PPARGC1A: variants seen among roughly 807,000 people sequenced by gnomAD.
PPARGC1A encodes the protein PPARG coactivator 1 alpha.
PPARGC1A carries 25 observed loss-of-function variants against 88.7 expected under a neutral mutation model. The observed-to-expected ratio is 0.28, with a 90% CI of 0.21 to 0.39. The LOEUF (loss-of-function observed/expected upper bound fraction) is 0.39. Among genes scored for constraint, PPARGC1A ranks in the 10% least tolerant of loss-of-function variants. The pLI is 1.00. For missense variants in PPARGC1A, 880 were observed against 968.7 expected (o/e 0.91, Z 1.22); for synonymous variants, 363 against 355.6 (o/e 1.02, Z -0.24).
At chr4:24,410,530 T>A in the PPARGC1A span, among the ~76,000 whole-genome samples, 2 of 152,202 alleles carry the variant, frequency 1.3e-5, no homozygotes, top group Non-Finnish European at 2.9e-5. Context: ...GAGCGTCAAC[T>A]TGATTGGATT....
chr4:23,922,271 A>T, the PPARGC1A span, among the ~76,000 whole-genome samples: 744 of 152,308 alleles, frequency 4.9e-3, 45 homozygotes, highest in East Asian at 0.1. Context: ...TTTGGTATCC[A>T]ACAGAAGACC....
chr4:24,165,082 A>G, the PPARGC1A span, among the ~76,000 whole-genome samples: 1 of 152,206 alleles, frequency 6.6e-6, no homozygotes, highest in East Asian at 1.9e-4. Flanking sequence ...CTCTCAAAAT[A>G]TGGAAGCATT....
chr4:23,847,667 A>T (rs1328918466), intron 2 of PPARGC1A, among the ~76,000 whole-genome samples: 1 of 152,214 alleles, frequency 6.6e-6, no homozygotes, highest in East Asian at 1.9e-4. Context: ...CATTAAAACA[A>T]TTATATAGGT....
At chr4:23,932,638 A>C in the PPARGC1A span, among the ~76,000 whole-genome samples, 1 of 152,222 alleles carries the variant, frequency 6.6e-6, no homozygotes, top group Non-Finnish European at 1.5e-5. Context: ...TGGTAGCTTA[A>C]CGAATTTTTT....
Position 23,834,241 on chromosome 4 carries a change from A to C in PPARGC1A, c.235-2490T>G, listed in dbSNP as rs544750983. 5.6e-4 allele frequency among the ~76,000 whole-genome samples: 85 copies of C among 152,286 alleles called. 1 individual carries two copies. Among genetic ancestry groups the C allele is most frequent in the Admixed American group, 3.2e-3 (49 of 15,296 alleles). ...TGTGAACCCGGGGGGTGGAGCTTGCAGTGAGTCAAGATCTTGCCACTGCAC... is the reference window on the plus strand; with the variant it reads ...TGTGAACCCGGGGGGTGGAGCTTGCCGTGAGTCAAGATCTTGCCACTGCAC... On this transcript the variant is annotated intron_variant, in intron 2 of 12. Transcript: ENST00000264867.
chr4:24,070,916 T>C, the PPARGC1A span, among the ~76,000 whole-genome samples: 1 of 152,206 alleles, frequency 6.6e-6, no homozygotes, highest in Non-Finnish European at 1.5e-5. Flanking sequence ...GTGACAGAGC[T>C]GAGTAGTTGC....
the PPARGC1A span, among the ~76,000 whole-genome samples, chr4:24,440,981 G>A: frequency 6.6e-6 from 1 of 152,208 alleles, no homozygotes; most frequent in Admixed American, 6.5e-5. Flanking sequence ...CGGAGAAGCA[G>A]CTGCTTCCCC....
chr4:23,995,225 G>T, the PPARGC1A span, among the ~76,000 whole-genome samples: 1 of 151,840 alleles, frequency 6.6e-6, no homozygotes, highest in Non-Finnish European at 1.5e-5. Flanking sequence ...AGAAAATCAC[G>T]TGGGAAAGTC....
At chr4:23,993,392 A>G in the PPARGC1A span, among the ~76,000 whole-genome samples, 1 of 152,188 alleles carries the variant, frequency 6.6e-6, no homozygotes, top group Non-Finnish European at 1.5e-5. Flanking sequence ...AGAGCAACAG[A>G]GGAAGATAAA....
chr4:23,797,011 C>T (rs59569381), intron 12 of PPARGC1A, among the ~76,000 whole-genome samples: 3,229 of 152,010 alleles, frequency 0.021, 126 homozygotes, highest in African/African-American at 0.074. Flanking sequence ...TCTCTAGCTC[C>T]GGCCTGACCA....
the PPARGC1A span, among the ~76,000 whole-genome samples, chr4:24,125,717 T>TGAGA: frequency 6.6e-6 from 1 of 152,014 alleles, no homozygotes; most frequent in Non-Finnish European, 1.5e-5. Context: ...ATGTAAGAGT[T>TGAGA]GAGAGAGAGA....
chr4:24,103,426 G>T, the PPARGC1A span, among the ~76,000 whole-genome samples: 1 of 152,048 alleles, frequency 6.6e-6, no homozygotes. Context: ...GAGCCTGAAG[G>T]TGTGTAGGAT....
chr4:23,985,328 G>A, the PPARGC1A span, among the ~76,000 whole-genome samples: 11 of 152,074 alleles, frequency 7.2e-5, no homozygotes, highest in Admixed American at 6.6e-4. Context: ...AGTGAGAAGG[G>A]CTCATCTAAC....
the PPARGC1A span, among the ~76,000 whole-genome samples, chr4:24,050,309 C>T: frequency 6.7e-6 from 1 of 149,836 alleles, no homozygotes; most frequent in East Asian, 2.0e-4. Flanking sequence ...GATTCTCCTG[C>T]CTCAGCCTCC....
At chr4:23,916,710 T>C in the PPARGC1A span, among the ~76,000 whole-genome samples, 3 of 152,226 alleles carry the variant, frequency 2.0e-5, no homozygotes, top group Non-Finnish European at 4.4e-5. Flanking sequence ...TCACAGACAG[T>C]TAAGTTGTTT....
chr4:24,315,743 C>A, the PPARGC1A span, among the ~76,000 whole-genome samples: 1 of 152,184 alleles, frequency 6.6e-6, no homozygotes, highest in South Asian at 2.1e-4. Flanking sequence ...CAATGGAATG[C>A]ACAGGACACC....
chr4:24,030,857 C>T, the PPARGC1A span, among the ~76,000 whole-genome samples: 1 of 152,188 alleles, frequency 6.6e-6, no homozygotes, highest in Non-Finnish European at 1.5e-5. Context: ...CAGCCTCATT[C>T]ATTTGCTCAC....
the PPARGC1A span, among the ~76,000 whole-genome samples, chr4:24,243,622 T>A: frequency 1.3e-5 from 2 of 152,224 alleles, no homozygotes; most frequent in Non-Finnish European, 2.9e-5. Flanking sequence ...CAAGGTTTTC[T>A]TAATTGCTGG....
chr4:24,359,652 C>T, the PPARGC1A span, among the ~76,000 whole-genome samples: 460 of 152,240 alleles, frequency 3.0e-3, 4 homozygotes, highest in African/African-American at 0.011. Flanking sequence ...AAGATGGGCC[C>T]TAATCCAATG....
Sources: gnomAD v4.1 joint callset for allele counts (sites outside exome capture counted in the v4.1 genomes callset) on GRCh38, gnomAD v4.1.1 for gene constraint, MANE v1.5 for transcripts, NCBI Gene and HGNC (gene_info 2026-07-23, HGNC 2026-07-21) for gene names.